Variants in PKHD1 observed in about 807,000 individuals in gnomAD.
PKHD1 encodes PKHD1 ciliary IPT domain containing fibrocystin/polyductin.
A neutral mutation model predicts 412.0 loss-of-function variants in PKHD1; 291 were observed. The ratio of observed to expected loss-of-function variants is 0.71; its 90% CI spans 0.64 to 0.78. The LOEUF (loss-of-function observed/expected upper bound fraction) is 0.78. Among genes scored for constraint, PKHD1 ranks in the 30% least tolerant of loss-of-function variants. PKHD1 has a pLI of 0.00. For missense variants in PKHD1, 4,825 were observed against 4,950.7 expected, an observed-to-expected ratio of 0.97 and a Z score of 0.76; for synonymous variants, 1,777 against 1,821.5, an observed-to-expected ratio of 0.98 and a Z score of 0.62.
intron 33 of PKHD1, among the ~76,000 whole-genome samples, chr6:52,021,152 G>C (rs1801339841): frequency 6.6e-6 from 1 of 152,212 alleles, no homozygotes; most frequent in East Asian, 1.9e-4. Context: ...CACAATCAAT[G>C]AGTGTTTGGT....
chr6:51,758,823 TATTA>T (rs1562247530), intron 55 of PKHD1, among the ~76,000 whole-genome samples: 1 of 152,160 alleles, frequency 6.6e-6, no homozygotes, highest in Non-Finnish European at 1.5e-5. Context: ...ATATAATACT[TATTA>T]TTTACAGAGA....
At chr6:52,041,492 A>C (rs1443092670) in intron 27 of PKHD1, among the ~76,000 whole-genome samples, 1 of 152,204 alleles carries the variant, frequency 6.6e-6, no homozygotes, top group Non-Finnish European at 1.5e-5. Flanking sequence ...TGAGTGAGTG[A>C]GTACTGATTA....
At position 51,912,532 on chromosome 6, in the gene PKHD1, G is replaced by A. The variant is rs1316342631; in HGVS notation, c.6166C>T (p.His2056Tyr). The stretch of plus-strand genomic sequence containing the variant: ...AAAGCCAGCACTGTGTCTAGGGCAT[G>A]GGCAGTTGCTCTAAGACAGGTGACA... ...VIVTCLRATA[H>Y]ALDTVLALED... Residue 2056 changes from histidine (H) to tyrosine (Y), a missense_variant, in exon 38 of 67, where the codon CAT becomes TAT. By Grantham distance (83) the His-to-Tyr change is moderately conservative (BLOSUM62 2). Transcript: ENST00000371117. 6.2e-7 allele frequency: 1 copy of A among 1,613,076 alleles called. No individual in the cohort carries two copies. The highest frequency in any genetic ancestry group is 8.5e-7 in the Non-Finnish European group (1 of 1,179,392).
chr6:51,773,183 C>A (rs1407132145), intron 54 of PKHD1, among the ~76,000 whole-genome samples: 2 of 151,736 alleles, frequency 1.3e-5, no homozygotes, highest in Non-Finnish European at 2.9e-5. Flanking sequence ...TCTCCAAAAG[C>A]ATGGTTAACT....
In PKHD1 at chr6:52,065,133, TTA is replaced by T. The variant is rs369093047; in HGVS notation, c.881-85_881-84del. 5.2e-3 allele frequency: 682 copies of T among 132,206 alleles called. 10 individuals are homozygous for T. The highest frequency in any genetic ancestry group is 0.026 in the African/African-American group (408 of 15,928). 8.2% of individuals were successfully genotyped at this position (132,206 alleles called of 1,614,324 possible). Reference sequence around the variant, plus strand: ...TATATGTGTGTGGGTATATGTATAATTATATATATATATATATATATATATAT... The same window carrying T: ...TATATGTGTGTGGGTATATGTATAATTATATATATATATATATATATATAT... On this transcript the variant is annotated intron_variant, in intron 12 of 66. Coordinates refer to ENST00000371117, the MANE Select transcript of PKHD1 (RefSeq NM_138694.4).
chr6:51,863,068 T>C (rs1468406647), intron 48 of PKHD1, among the ~76,000 whole-genome samples: 10 of 152,128 alleles, frequency 6.6e-5, no homozygotes, highest in Non-Finnish European at 1.0e-4. Context: ...TGTCAAGCAA[T>C]GACCCTGAGG....
At chr6:51,716,049 T>A (rs7746090) in intron 60 of PKHD1, among the ~76,000 whole-genome samples, 107,412 of 151,940 alleles carry the variant, frequency 0.71, 38,903 homozygotes, top group East Asian at 0.91. Flanking sequence ...AAATCAATTT[T>A]AAAAAAATTT....
At chr6:52,074,138 T>A (rs1182626596) in intron 6 of PKHD1, among the ~76,000 whole-genome samples, 2 of 152,172 alleles carry the variant, frequency 1.3e-5, no homozygotes, top group East Asian at 3.8e-4. Flanking sequence ...GTTAGTGAGA[T>A]AAACCTCAAG....
chr6:51,792,369 T>A (rs1450558853), intron 52 of PKHD1, among the ~76,000 whole-genome samples: 1 of 152,228 alleles, frequency 6.6e-6, no homozygotes, highest in East Asian at 1.9e-4. Flanking sequence ...CTTTTGTTAG[T>A]ATAATCTCAT....
intron 61 of PKHD1, among the ~76,000 whole-genome samples, chr6:51,654,991 G>A (rs1308714864): frequency 6.6e-6 from 1 of 151,982 alleles, no homozygotes; most frequent in Non-Finnish European, 1.5e-5. Context: ...GCTTGCTTAC[G>A]TAGAACATCT....
At chr6:51,826,124 T>C (rs1311152407) in intron 52 of PKHD1, among the ~76,000 whole-genome samples, 1 of 152,210 alleles carries the variant, frequency 6.6e-6, no homozygotes, top group Admixed American at 6.6e-5. Flanking sequence ...TTCTGATTTA[T>C]GATCATCTTG....
chr6:51,982,530 A>G (rs1192492865), intron 35 of PKHD1, among the ~76,000 whole-genome samples: 2 of 139,070 alleles, frequency 1.4e-5, no homozygotes, highest in Non-Finnish European at 3.2e-5. Flanking sequence ...GTGCTCTCTG[A>G]AACATGTGCT....
At chr6:51,757,208 C>T (rs1017161349) in intron 55 of PKHD1, among the ~76,000 whole-genome samples, 6 of 152,038 alleles carry the variant, frequency 3.9e-5, no homozygotes, top group African/African-American at 1.4e-4. Context: ...TTGAATAAAG[C>T]TCTTCAAATA....
intron 52 of PKHD1, among the ~76,000 whole-genome samples, chr6:51,813,997 C>G (rs566166155): frequency 7.9e-5 from 12 of 152,120 alleles, no homozygotes; most frequent in Admixed American, 7.9e-4. Flanking sequence ...GGGAAAGACT[C>G]ATAACCATAC....
intron 29 of PKHD1, among the ~76,000 whole-genome samples, chr6:52,031,747 A>C (rs1488601977): frequency 2.0e-5 from 3 of 152,270 alleles, no homozygotes; most frequent in African/African-American, 7.2e-5. Flanking sequence ...CTCCAACTTA[A>C]AAGAGGCATT....
chr6:51,994,085 C>T (rs1441243674), intron 35 of PKHD1, among the ~76,000 whole-genome samples: 2 of 152,050 alleles, frequency 1.3e-5, no homozygotes, highest in Non-Finnish European at 2.9e-5. Context: ...TCGATAGAAT[C>T]GAGTCTGCAG....
rs752114253 is a variant in PKHD1, at chr6:52,084,916, G to T, written c.18C>A (p.Ile6=). 6.2e-7 allele frequency: 1 copy of T among 1,606,808 alleles called. No homozygotes were observed. The highest frequency in any genetic ancestry group is 8.5e-7 in the Non-Finnish European group (1 of 1,173,476). The change falls in exon 2 of 67, where the codon ATC becomes ATA. Residue 6 remains isoleucine, a synonymous_variant. Transcript: ENST00000371117. ...GTAGTACTTCAATACTCATCAGAGA[G>T]ATCAGCCAGGCAGTCATTCTGTCCA... MTAWL[I]SLMSIEVLLL... is the part of the protein sequence containing the mutation.
At chr6:51,990,073 C>T (rs1796855459) in intron 35 of PKHD1, among the ~76,000 whole-genome samples, 1 of 148,078 alleles carries the variant, frequency 6.8e-6, no homozygotes, top group African/African-American at 2.5e-5. Flanking sequence ...TGAGCTAGAT[C>T]CTTTTTTTCT....
intron 60 of PKHD1, among the ~76,000 whole-genome samples, chr6:51,723,790 A>T (rs1314384258): frequency 1.3e-5 from 2 of 152,172 alleles, no homozygotes; most frequent in Admixed American, 1.3e-4. Context: ...TTCCAGAAAG[A>T]GAGAAAGACA....
Sources: gnomAD v4.1 joint callset for allele counts (sites outside exome capture counted in the v4.1 genomes callset) on GRCh38, gnomAD v4.1.1 for gene constraint, MANE v1.5 for transcripts, NCBI Gene and HGNC (gene_info 2026-07-23, HGNC 2026-07-21) for gene names.